The following CELF2 variants were observed in gnomAD, a reference collection of about 807,000 sequenced individuals.
CELF2 encodes CUGBP Elav-like family member 2, also known as CUG triplet repeat RNA-binding protein 2.
A neutral mutation model predicts 62.6 loss-of-function variants in CELF2; 8 were observed. That is an observed-to-expected ratio of 0.13 (90% CI 0.07 to 0.23). The LOEUF (loss-of-function observed/expected upper bound fraction) is 0.23, where lower values mean the gene tolerates loss of function less well. Among genes scored for constraint, CELF2 ranks in the 10% least tolerant of loss-of-function variants. The pLI is 1.00. For missense variants in CELF2, 333 were observed against 671.0 expected (o/e 0.50, Z 5.56); for synonymous variants, 258 against 250.0 (o/e 1.03, Z -0.30).
intron 1 of CELF2, among the ~76,000 whole-genome samples, chr10:10,815,977 ATG>A (rs1280902587): frequency 6.7e-6 from 1 of 149,178 alleles, no homozygotes; most frequent in East Asian, 2.0e-4. Context: ...TTGGCAGACG[ATG>A]TTTTATCTTC....
At chr10:10,756,962 T>G in the CELF2 span, among the ~76,000 whole-genome samples, 4 of 151,226 alleles carry the variant, frequency 2.6e-5, no homozygotes, top group African/African-American at 4.9e-5. Context: ...GCCAATATGG[T>G]GAAACCCTGT....
At chr10:10,471,234 C>A in the CELF2 span, among the ~76,000 whole-genome samples, 20 of 151,664 alleles carry the variant, frequency 1.3e-4, no homozygotes, top group Admixed American at 7.2e-4. Context: ...ATGTAGTATT[C>A]TATTTCCATT....
intron 1 of CELF2, among the ~76,000 whole-genome samples, chr10:11,126,869 T>G (rs1439557233): frequency 1.3e-5 from 2 of 152,176 alleles, no homozygotes; most frequent in Non-Finnish European, 2.9e-5. Context: ...TCATACTTTT[T>G]TTTTTAAGTT....
At chr10:11,261,066 TA>T (rs1184344430) in intron 5 of CELF2, among the ~76,000 whole-genome samples, 1 of 152,222 alleles carries the variant, frequency 6.6e-6, no homozygotes, top group Non-Finnish European at 1.5e-5. Context: ...CAGTACCTTC[TA>T]ACACAAAACC....
intron 11 of CELF2, among the ~76,000 whole-genome samples, chr10:11,325,460 A>G (rs1485759730): frequency 6.6e-6 from 1 of 152,164 alleles, no homozygotes; most frequent in Non-Finnish European, 1.5e-5. Flanking sequence ...TCCTTCTCAC[A>G]GCCTGTCCGT....
chr10:10,671,770 C>T, the CELF2 span, among the ~76,000 whole-genome samples: 3 of 151,902 alleles, frequency 2.0e-5, no homozygotes, highest in South Asian at 2.1e-4. Context: ...TGCTCTATTG[C>T]CCAGGCTGGA....
the CELF2 span, among the ~76,000 whole-genome samples, chr10:10,701,493 A>T: frequency 6.6e-6 from 1 of 152,244 alleles, no homozygotes; most frequent in African/African-American, 2.4e-5. Context: ...AGTCTTGGTT[A>T]CAATGCTGTC....
chr10:11,183,171 G>T (rs1405359311), intron 2 of CELF2, among the ~76,000 whole-genome samples: 1 of 152,144 alleles, frequency 6.6e-6, no homozygotes, highest in Admixed American at 6.5e-5. Flanking sequence ...CCTACTTTCT[G>T]TTGTATGTGG....
At chr10:11,236,435 G>C (rs923266046) in intron 3 of CELF2, among the ~76,000 whole-genome samples, 1 of 152,202 alleles carries the variant, frequency 6.6e-6, no homozygotes, top group African/African-American at 2.4e-5. Flanking sequence ...CGTTGTGCAG[G>C]AAACACTCAT....
At chr10:10,807,912 A>G (rs2055403009) in intron 1 of CELF2, among the ~76,000 whole-genome samples, 1 of 152,200 alleles carries the variant, frequency 6.6e-6, no homozygotes, top group East Asian at 1.9e-4. Context: ...AAGCAATGAC[A>G]TCAGAATCTT....
At chr10:10,478,017 C>CTGT in the CELF2 span, among the ~76,000 whole-genome samples, 2 of 152,154 alleles carry the variant, frequency 1.3e-5, no homozygotes, top group Non-Finnish European at 2.9e-5. Context: ...TCACTTCTTA[C>CTGT]TGTTGAGTCA....
chr10:10,561,586 G>C, the CELF2 span, among the ~76,000 whole-genome samples: 89 of 152,314 alleles, frequency 5.8e-4, no homozygotes, highest in African/African-American at 2.0e-3. Flanking sequence ...ATAAGGAAGA[G>C]AAATGGAATG....
At chr10:10,504,797 T>A in the CELF2 span, among the ~76,000 whole-genome samples, 2 of 152,172 alleles carry the variant, frequency 1.3e-5, no homozygotes, top group African/African-American at 4.8e-5. Flanking sequence ...ATTTTTCTTC[T>A]GATCCCTTCA....
intron 1 of CELF2, among the ~76,000 whole-genome samples, chr10:11,092,087 A>T (rs2048478454): frequency 6.6e-6 from 1 of 152,218 alleles, no homozygotes. Context: ...CCAAAGAGCA[A>T]AATCAGAGAT....
chr10:10,564,719 G>A, the CELF2 span, among the ~76,000 whole-genome samples: 8 of 141,744 alleles, frequency 5.6e-5, no homozygotes, highest in Non-Finnish European at 9.1e-5. Context: ...CTTTCTCCAC[G>A]AAGAAAAGCA....
the CELF2 span, among the ~76,000 whole-genome samples, chr10:10,611,159 C>T: frequency 6.6e-5 from 10 of 152,178 alleles, no homozygotes; most frequent in South Asian, 2.1e-3. Context: ...TGGGAAAGAA[C>T]TGTGGCCTCA....
chr10:10,520,956 A>G, the CELF2 span, among the ~76,000 whole-genome samples: 2 of 152,210 alleles, frequency 1.3e-5, no homozygotes, highest in Non-Finnish European at 2.9e-5. Flanking sequence ...GATGGTTTCA[A>G]ATCAGGTCCT....
the CELF2 span, among the ~76,000 whole-genome samples, chr10:10,637,162 C>T: frequency 1.2e-4 from 19 of 152,240 alleles, no homozygotes; most frequent in East Asian, 3.3e-3. Flanking sequence ...GAGTAATCGA[C>T]TCTGGTACAT....
intron 2 of CELF2, among the ~76,000 whole-genome samples, chr10:10,999,098 C>T (rs551600140): frequency 2.6e-5 from 4 of 152,168 alleles, no homozygotes; most frequent in Non-Finnish European, 5.9e-5. Flanking sequence ...TAGGAACAGG[C>T]CCTTCCTAAT....
Sources: gnomAD v4.1 joint callset for allele counts (sites outside exome capture counted in the v4.1 genomes callset) on GRCh38, gnomAD v4.1.1 for gene constraint, MANE v1.5 for transcripts, NCBI Gene and HGNC (gene_info 2026-07-23, HGNC 2026-07-21) for gene names.